Variants in TPRG1 observed in about 807,000 individuals in gnomAD.
TPRG1 encodes tumor protein p63-regulated gene 1 protein.
A neutral mutation model predicts 29.3 loss-of-function variants in TPRG1; 29 were observed. The observed-to-expected ratio is 0.99, with a 90% CI of 0.74 to 1.35. The LOEUF is 1.35. Among genes scored for constraint, TPRG1 ranks in the 40% most tolerant of loss-of-function variants. TPRG1 has a pLI of 0.00. For missense variants in TPRG1, 327 were observed against 335.0 expected (o/e 0.98, Z 0.19); for synonymous variants, 130 against 116.8 (o/e 1.11, Z -0.73).
intron 4 of TPRG1, among the ~76,000 whole-genome samples, chr3:189,268,178 G>A (rs992637573): frequency 2.0e-5 from 3 of 152,156 alleles, no homozygotes; most frequent in Admixed American, 2.0e-4. Flanking sequence ...GGCAGCAGGC[G>A]AGGATTTTGT....
chr3:189,253,208 C>G (rs529491089), intron 4 of TPRG1, among the ~76,000 whole-genome samples: 10 of 152,264 alleles, frequency 6.6e-5, no homozygotes, highest in East Asian at 3.9e-4. Flanking sequence ...CCCTCACCCC[C>G]CAACTGGCCC....
At chr3:189,319,435 T>A (rs1577060587) in intron 5 of TPRG1, among the ~76,000 whole-genome samples, 2 of 152,088 alleles carry the variant, frequency 1.3e-5, no homozygotes, top group Non-Finnish European at 2.9e-5. Flanking sequence ...TCTACCCAGT[T>A]GCTCAGGCCA....
At chr3:189,037,422 A>G (rs1167612150) in intron 4 of TPRG1, among the ~76,000 whole-genome samples, 1 of 151,988 alleles carries the variant, frequency 6.6e-6, no homozygotes, top group Non-Finnish European at 1.5e-5. Context: ...AAAAATTATT[A>G]AATAAAATGT....
At chr3:189,053,899 G>C (rs979121598) in intron 4 of TPRG1, among the ~76,000 whole-genome samples, 6 of 152,152 alleles carry the variant, frequency 3.9e-5, no homozygotes, top group African/African-American at 1.4e-4. Flanking sequence ...CTTCTTTACA[G>C]ATCACTAAAA....
chr3:189,036,188 A>G (rs977299561), intron 4 of TPRG1, among the ~76,000 whole-genome samples: 12 of 152,166 alleles, frequency 7.9e-5, no homozygotes, highest in Non-Finnish European at 1.3e-4. Flanking sequence ...GCATGTTCTC[A>G]TTTGTAAGTG....
chr3:189,056,074 TTCCTTCCTTC>T (rs1715668577), intron 4 of TPRG1, among the ~76,000 whole-genome samples: 1 of 127,708 alleles, frequency 7.8e-6, no homozygotes, highest in Admixed American at 8.5e-5. Flanking sequence ...CCTTCCTTCC[TTCCTTCCTTC>T]CTTCCTTCCT....
chr3:189,207,274 T>A (rs1734535404), intron 1 of TPRG1, 102 bp from the exon 2 acceptor site: 1 of 1,468,890 alleles, frequency 6.8e-7, no homozygotes, highest in African/African-American at 1.4e-5. Flanking sequence ...TGTTTTTAAG[T>A]TTCAGGAATT....
chr3:189,163,860 TCC>T (rs1024072836), intron 5 of TPRG1, among the ~76,000 whole-genome samples: 1 of 152,110 alleles, frequency 6.6e-6, no homozygotes, highest in Non-Finnish European at 1.5e-5. Context: ...AGCAGGGCAG[TCC>T]CTGAGGCACG....
intron 3 of TPRG1, among the ~76,000 whole-genome samples, chr3:189,230,671 G>A (rs1004007722): frequency 2.0e-5 from 3 of 152,034 alleles, no homozygotes; most frequent in African/African-American, 7.3e-5. Context: ...GTCTCCTTTT[G>A]TCTGTGTCCC....
At chr3:189,096,285 G>A (rs908762512), upstream of TPRG1, among the ~76,000 whole-genome samples, 3 of 152,092 alleles carry the variant, frequency 2.0e-5, no homozygotes, top group Admixed American at 1.3e-4. Flanking sequence ...CTTTGGTTTT[G>A]TTTTCTGAAT....
chr3:189,267,468 A>G (rs1714307590), intron 4 of TPRG1: 1 of 152,252 alleles, frequency 6.6e-6, no homozygotes, highest in South Asian at 2.1e-4. Context: ...CAAAATAAAG[A>G]TGTAAGCAAC....
chr3:189,166,905 T>C lies in TPRG1; in HGVS notation c.-10+16033T>C, dbSNP rs1484440679. On this transcript the variant is annotated intron_variant, in intron 5 of 6. Transcript: ENST00000412373. Reference sequence around the variant, plus strand: ...TATCCGAGTCTGCCGGTGACTGAACTGGGGGTGGGACTCTTATTTGTGTGA... The same window carrying C: ...TATCCGAGTCTGCCGGTGACTGAACCGGGGGTGGGACTCTTATTTGTGTGA... Among the ~76,000 whole-genome samples, 3 of 152,202 alleles carry C rather than the reference T, an allele frequency of 2.0e-5. No individual in the cohort carries two copies. The East Asian group carries it at 5.8e-4, about 29-fold the overall frequency.
chr3:189,109,881 G>GC (rs1267358820), intron 1 of TPRG1, among the ~76,000 whole-genome samples: 1 of 152,076 alleles, frequency 6.6e-6, no homozygotes, highest in African/African-American at 2.4e-5. Context: ...TGCCCCTTTT[G>GC]CAAGAATGTC....
chr3:189,028,977 G>A (rs1713802757), intron 4 of TPRG1, among the ~76,000 whole-genome samples: 3 of 151,056 alleles, frequency 2.0e-5, no homozygotes, highest in African/African-American at 2.4e-5. Context: ...CTCGTCCCCA[G>A]TCATGGTCTA....
intron 1 of TPRG1, among the ~76,000 whole-genome samples, chr3:189,196,340 G>A (rs62292394): frequency 6.6e-6 from 1 of 152,072 alleles, no homozygotes; most frequent in Non-Finnish European, 1.5e-5. Context: ...CTTGACTTCG[G>A]TAATTATTTG....
In TPRG1 at chr3:189,101,925, G is replaced by A. The variant is rs139360641; in HGVS notation, c.-744+1721G>A. Among the ~76,000 whole-genome samples the A allele has an allele frequency of 5.4e-3, 823 of 152,160 alleles. 5 individuals carry two copies. Among genetic ancestry groups the A allele is most frequent in the African/African-American group, 0.018 (745 of 41,506 alleles). ...TGCTATATACAACCCTATGAGTTAG[G>A]TGCTGCTATTGTTTTATTTTAATTT... On this transcript the variant is annotated intron_variant, in intron 1 of 6. Coordinates refer to the TPRG1 transcript ENST00000412373.
chr3:189,199,704 G>C (rs2108772959), intron 1 of TPRG1, among the ~76,000 whole-genome samples: 1 of 152,198 alleles, frequency 6.6e-6, no homozygotes, highest in Middle Eastern at 3.4e-3. Flanking sequence ...AGCTGGGTTT[G>C]GTGGCGGACA....
chr3:189,078,133 C>A (rs867201336), intron 4 of TPRG1, among the ~76,000 whole-genome samples: 1 of 74,328 alleles, frequency 1.3e-5, no homozygotes, highest in Non-Finnish European at 3.3e-5. Context: ...TTCTTTCTTT[C>A]TTTCCTTTCT....
At chr3:189,312,157 C>G (rs910630938) in intron 5 of TPRG1, among the ~76,000 whole-genome samples, 1 of 61,974 alleles carries the variant, frequency 1.6e-5, no homozygotes, top group Non-Finnish European at 3.0e-5. Context: ...TTCTTTCTTT[C>G]TTTCTTTCTT....
Sources: gnomAD v4.1 joint callset for allele counts (sites outside exome capture counted in the v4.1 genomes callset) on GRCh38, gnomAD v4.1.1 for gene constraint, MANE v1.5 for transcripts, NCBI Gene and HGNC (gene_info 2026-07-23, HGNC 2026-07-21) for gene names.